MARCHF11: variants seen among roughly 807,000 people sequenced by gnomAD.
The protein encoded by MARCHF11 is membrane associated ring-CH-type finger 11.
MARCHF11 carries 29 observed loss-of-function variants against 37.3 expected under a neutral mutation model. The ratio of observed to expected loss-of-function variants is 0.78; its 90% CI spans 0.58 to 1.06. The LOEUF is 1.06. MARCHF11 is among the 50% of genes least tolerant of loss of function. The probability of loss-of-function intolerance (pLI) is 0.00; values close to 1 mark genes in which losing one functional copy is unlikely to be tolerated. For synonymous variants in MARCHF11, 233 were observed against 228.0 expected, an observed-to-expected ratio of 1.02 and a Z score of -0.20; for missense variants, 482 against 533.4, an observed-to-expected ratio of 0.90 and a Z score of 0.95.
At chr5:16,120,384 C>A (rs1273649683) in intron 2 of MARCHF11, among the ~76,000 whole-genome samples, 2 of 152,164 alleles carry the variant, frequency 1.3e-5, no homozygotes, top group Admixed American at 6.5e-5. Flanking sequence ...AGATTGCTAC[C>A]ATAGCCCCCT....
chr5:16,076,764 T>C (rs557789064), intron 3 of MARCHF11, among the ~76,000 whole-genome samples: 2 of 152,176 alleles, frequency 1.3e-5, no homozygotes, highest in South Asian at 4.1e-4. Context: ...CTAGGAAGTG[T>C]CTGAGCCCAG....
intron 2 of MARCHF11, among the ~76,000 whole-genome samples, chr5:16,143,080 T>C (rs344700): frequency 0.84 from 127,489 of 151,756 alleles, 53,734 homozygotes; most frequent in Middle Eastern, 0.88. Flanking sequence ...TAGTATCAGA[T>C]CTTAAACAGG....
At chr5:16,136,804 C>A (rs1361668234) in intron 2 of MARCHF11, among the ~76,000 whole-genome samples, 4 of 151,878 alleles carry the variant, frequency 2.6e-5, no homozygotes, top group African/African-American at 7.3e-5. Context: ...ATACTACAAT[C>A]AAATAAAATC....
At chr5:16,156,634 A>C (rs970661004) in intron 2 of MARCHF11, among the ~76,000 whole-genome samples, 2 of 151,886 alleles carry the variant, frequency 1.3e-5, no homozygotes, top group African/African-American at 4.8e-5. Flanking sequence ...CTTTGCTGCA[A>C]TATTTAATAA....
intron 2 of MARCHF11, among the ~76,000 whole-genome samples, chr5:16,142,060 A>C (rs1737716170): frequency 6.6e-6 from 1 of 152,244 alleles, no homozygotes; most frequent in Non-Finnish European, 1.5e-5. Context: ...ACTTGTGATC[A>C]TTTTTAAGAG....
chr5:16,075,841 G>C (rs749593982), intron 3 of MARCHF11, among the ~76,000 whole-genome samples: 5 of 152,164 alleles, frequency 3.3e-5, no homozygotes, highest in Non-Finnish European at 5.9e-5. Context: ...ACGGTGGTGA[G>C]GGGAACATAT....
At position 16,117,311 on chromosome 5, in the gene MARCHF11, T is replaced by C. The variant is rs1205073882; in HGVS notation, c.694-26230A>G. ...CTATAATAGGGTTCATTTGGGATGC[T>C]GTGAATTATTCATTCTTATCTATCC... On this transcript the variant is annotated intron_variant, in intron 2 of 3. Coordinates refer to ENST00000332432, the MANE Select transcript of MARCHF11 (RefSeq NM_001102562.3). 3.9e-5 allele frequency among the ~76,000 whole-genome samples: 6 copies of C among 152,252 alleles called. No homozygotes were observed. The East Asian group carries it at 1.2e-3, about 29-fold the overall frequency.
chr5:16,110,106 C>T (rs1038803265), intron 2 of MARCHF11, among the ~76,000 whole-genome samples: 32 of 152,264 alleles, frequency 2.1e-4, no homozygotes, highest in African/African-American at 7.5e-4. Context: ...ATCGTAACTG[C>T]CACATTTTTG....
At chr5:16,169,085 C>T (rs1738216512) in intron 2 of MARCHF11, among the ~76,000 whole-genome samples, 1 of 151,888 alleles carries the variant, frequency 6.6e-6, no homozygotes, top group African/African-American at 2.4e-5. Flanking sequence ...TTGAACAAAC[C>T]AAGGCAAGCC....
chr5:16,149,912 T>A (rs4624790), intron 2 of MARCHF11, among the ~76,000 whole-genome samples: 5,427 of 138,638 alleles, frequency 0.039, 964 homozygotes, highest in African/African-American at 0.17. Flanking sequence ...AAACATAATG[T>A]TAATCCAAGG....
chr5:16,162,916 A>AC (rs1249913707), intron 2 of MARCHF11, among the ~76,000 whole-genome samples: 1 of 148,862 alleles, frequency 6.7e-6, no homozygotes, highest in East Asian at 1.9e-4. Flanking sequence ...CATCCTTCCA[A>AC]CAACATTAAG....
At chr5:16,133,906 A>G (rs1477450345) in intron 2 of MARCHF11, among the ~76,000 whole-genome samples, 2 of 152,148 alleles carry the variant, frequency 1.3e-5, no homozygotes, top group Non-Finnish European at 2.9e-5. Context: ...CATAGCTTGT[A>G]CAAGGTTGGT....
At chr5:16,096,380 G>A (rs1435071985) in intron 2 of MARCHF11, among the ~76,000 whole-genome samples, 3 of 152,048 alleles carry the variant, frequency 2.0e-5, no homozygotes, top group Non-Finnish European at 4.4e-5. Flanking sequence ...TGAAATTTTG[G>A]GAGAAATTAA....
At chr5:16,136,323 G>A (rs531053617) in intron 2 of MARCHF11, among the ~76,000 whole-genome samples, 25 of 152,202 alleles carry the variant, frequency 1.6e-4, no homozygotes, top group African/African-American at 5.1e-4. Context: ...TGAAGTAAGT[G>A]GACTTCAGTG....
At chr5:16,145,988 C>T (rs532521756) in intron 2 of MARCHF11, among the ~76,000 whole-genome samples, 82 of 152,260 alleles carry the variant, frequency 5.4e-4, no homozygotes, top group Non-Finnish European at 1.1e-3. Flanking sequence ...GTAAACACCG[C>T]CCCCAACACT....
intron 2 of MARCHF11, among the ~76,000 whole-genome samples, chr5:16,094,588 T>C: frequency 6.6e-6 from 1 of 152,126 alleles, no homozygotes; most frequent in East Asian, 1.9e-4. Context: ...AGAAAAGTAA[T>C]ATAACAATAG....
At chr5:16,122,645 C>T (rs939318507) in intron 2 of MARCHF11, among the ~76,000 whole-genome samples, 3 of 152,170 alleles carry the variant, frequency 2.0e-5, no homozygotes, top group Non-Finnish European at 2.9e-5. Context: ...TTCCCTTCCT[C>T]GTCTCTAGCC....
intron 3 of MARCHF11, among the ~76,000 whole-genome samples, chr5:16,085,895 G>A (rs962992297): frequency 4.5e-4 from 60 of 132,102 alleles, no homozygotes; most frequent in Non-Finnish European, 6.9e-4. Context: ...AGCCGAGATC[G>A]TGCCACTGCA....
intron 2 of MARCHF11, among the ~76,000 whole-genome samples, chr5:16,165,556 T>C (rs189065933): frequency 1.3e-5 from 2 of 152,216 alleles, no homozygotes; most frequent in African/African-American, 2.4e-5. Context: ...TGTTTATTCT[T>C]CAGCTTTGAG....
Sources: allele counts gnomAD v4.1 joint callset (sites outside exome capture counted in the v4.1 genomes callset), GRCh38; gene constraint gnomAD v4.1.1; transcripts MANE v1.5; gene names NCBI Gene and HGNC (gene_info 2026-07-23, HGNC 2026-07-21).